NRG3: variants seen among roughly 807,000 people sequenced by gnomAD.
The protein encoded by NRG3 is neuregulin 3, also known as pro-neuregulin-3, membrane-bound isoform.
A neutral mutation model predicts 66.9 loss-of-function variants in NRG3; 31 were observed. The observed-to-expected ratio is 0.46, with a 90% confidence interval of 0.35 to 0.63. The LOEUF is 0.63. Ranked by LOEUF, NRG3 falls within the 20% of genes least tolerant of loss-of-function variation. The probability of loss-of-function intolerance (pLI) is 0.00; values close to 1 mark genes in which losing one functional copy is unlikely to be tolerated. For missense variants in NRG3, 910 were observed against 878.9 expected (o/e 1.04, Z -0.45); for synonymous variants, 393 against 359.4 (o/e 1.09, Z -1.06).
chr10:82,017,716 T>C (rs1589797473), intron 1 of NRG3, among the ~76,000 whole-genome samples: 1 of 152,248 alleles, frequency 6.6e-6, no homozygotes, highest in Non-Finnish European at 1.5e-5. Context: ...TTCATGTGTC[T>C]GTTGGCTGCA....
rs2085147039 is a variant in NRG3 at position 82,375,314 on chromosome 10, G to A, written c.953+16446G>A. Among the ~76,000 whole-genome samples, 3 of 152,238 alleles carry A rather than the reference G, an allele frequency of 2.0e-5. No individual in the cohort carries two copies. The South Asian group carries it at 6.2e-4, about 32-fold the overall frequency. ...GCACTTTGGGAGGCCGAGGCGGGCG[G>A]ATCACGAGGTCAGGAGATGGAGACC... On this transcript the variant is annotated intron_variant, in intron 2 of 8. Transcript: ENST00000372141.
intron 4 of NRG3, among the ~76,000 whole-genome samples, chr10:82,914,109 C>T (rs2131997718): frequency 6.6e-6 from 1 of 150,440 alleles, no homozygotes; most frequent in East Asian, 1.9e-4. Flanking sequence ...TTTTTTACTT[C>T]CATTTCAGTT....
chr10:82,062,769 A>G (rs1486211913), intron 1 of NRG3, among the ~76,000 whole-genome samples: 1 of 152,018 alleles, frequency 6.6e-6, no homozygotes. Context: ...TGGAAGGGAA[A>G]CCAAAAATGA....
chr10:81,937,566 T>A (rs1379658604), intron 1 of NRG3, among the ~76,000 whole-genome samples: 1 of 152,154 alleles, frequency 6.6e-6, no homozygotes, highest in Non-Finnish European at 1.5e-5. Flanking sequence ...TGGAAAGGTA[T>A]TTATTCAAGT....
At chr10:82,641,752 A>G (rs10749058) in intron 2 of NRG3, among the ~76,000 whole-genome samples, 95,507 of 151,988 alleles carry the variant, frequency 0.63, 30,085 homozygotes, top group Middle Eastern at 0.75. Context: ...CTGTTTACCA[A>G]TGCAGGATGC....
At chr10:82,865,871 C>A (rs1840674407) in intron 4 of NRG3, among the ~76,000 whole-genome samples, 3 of 152,244 alleles carry the variant, frequency 2.0e-5, no homozygotes, top group African/African-American at 7.2e-5. Context: ...AAGTCCCCTT[C>A]CTTTTGTGAG....
At chr10:82,408,032 G>C (rs1377199781) in intron 2 of NRG3, among the ~76,000 whole-genome samples, 1 of 141,576 alleles carries the variant, frequency 7.1e-6, no homozygotes, top group Non-Finnish European at 1.5e-5. Context: ...CTGTGTGACA[G>C]AGCAAGACTA....
At chr10:82,063,290 T>G (rs2064263878) in intron 1 of NRG3, among the ~76,000 whole-genome samples, 1 of 147,876 alleles carries the variant, frequency 6.8e-6, no homozygotes, top group Admixed American at 6.8e-5. Context: ...CTGTTTTTTT[T>G]TCTTTATTTT....
At chr10:82,003,988 AACACACACACACACACACACAC>A (rs746699197) in intron 1 of NRG3, among the ~76,000 whole-genome samples, 78 of 134,420 alleles carry the variant, frequency 5.8e-4, no homozygotes, top group Non-Finnish European at 1.2e-3. Context: ...CCTGACTGAA[AACACACACACACACACACACAC>A]ACACACACAC....
At chr10:82,234,329 T>C (rs2076648909) in intron 1 of NRG3, among the ~76,000 whole-genome samples, 1 of 152,246 alleles carries the variant, frequency 6.6e-6, no homozygotes, top group African/African-American at 2.4e-5. Flanking sequence ...TGTCTCTGTC[T>C]ACTCTGTCTA....
rs548400028 is a variant in NRG3 at position 82,293,780 on chromosome 10, A to G, written c.824-64959A>G. The stretch of plus-strand genomic sequence containing the variant: ...AAGGAATAAAGATAAATTTATCTTG[A>G]TGTACCTGCTTCAGCCTCTTAATAT... On this transcript the variant is annotated intron_variant, in intron 1 of 8. Transcript: ENST00000372141. 2.6e-5 allele frequency among the ~76,000 whole-genome samples: 4 copies of G among 152,292 alleles called. No homozygotes were observed. In the East Asian group the frequency reaches 5.8e-4, roughly 22 times the overall value.
intron 2 of NRG3, among the ~76,000 whole-genome samples, chr10:82,516,138 C>T (rs964868181): frequency 2.6e-5 from 4 of 151,244 alleles, no homozygotes; most frequent in Non-Finnish European, 5.9e-5. Context: ...ATGGTTGGAA[C>T]ATTGTGTGTG....
chr10:82,246,947 A>G (rs2077273226), intron 1 of NRG3, among the ~76,000 whole-genome samples: 2 of 152,258 alleles, frequency 1.3e-5, no homozygotes, highest in South Asian at 4.1e-4. Context: ...AAGGTATGCT[A>G]AAGTTGCAAC....
chr10:82,166,831 G>A lies in NRG3; in HGVS notation c.824-191908G>A, dbSNP rs1048331238. On this transcript the variant is annotated intron_variant, in intron 1 of 8. Transcript: ENST00000372141. ...TGACGAATTCATACAAATTTTGTAA[G>A]TCTGAAACAGTCTTTATTTATCTTC... 13 of 664,208 alleles carry A rather than the reference G, an allele frequency of 2.0e-5. No individual in the cohort carries two copies. The African/African-American group carries it at 2.1e-4, about 11-fold the overall frequency. The allele number at this position is 664,208 out of a possible 1,614,324, so 41.1% of individuals were successfully genotyped here.
chr10:81,879,588 G>C (rs1841996286), intron 1 of NRG3, among the ~76,000 whole-genome samples: 1 of 152,164 alleles, frequency 6.6e-6, no homozygotes, highest in African/African-American at 2.4e-5. Flanking sequence ...GTTAGATTTG[G>C]AAGGTATATG....
At chr10:82,658,650 T>C (rs1173935912) in intron 2 of NRG3, among the ~76,000 whole-genome samples, 3 of 152,138 alleles carry the variant, frequency 2.0e-5, no homozygotes, top group Non-Finnish European at 4.4e-5. Flanking sequence ...CGATTAGTGG[T>C]TGCCAGGGAA....
chr10:82,580,490 A>G (rs904968772), intron 2 of NRG3, among the ~76,000 whole-genome samples: 2 of 151,970 alleles, frequency 1.3e-5, no homozygotes, highest in Admixed American at 1.3e-4. Context: ...TGTATCCACC[A>G]TCAGAGTATA....
At chr10:82,483,475 T>C (rs536580817) in intron 2 of NRG3, among the ~76,000 whole-genome samples, 167 of 152,322 alleles carry the variant, frequency 1.1e-3, no homozygotes, top group African/African-American at 3.8e-3. Flanking sequence ...TATGTTTTCA[T>C]AAAGATGTTG....
chr10:81,980,097 C>T, intron 1 of NRG3, among the ~76,000 whole-genome samples: 1 of 152,194 alleles, frequency 6.6e-6, no homozygotes, highest in Admixed American at 6.5e-5. Context: ...ATCTCATTCA[C>T]TTATCTATTC....
Sources: allele counts gnomAD v4.1 joint callset (sites outside exome capture counted in the v4.1 genomes callset), GRCh38; gene constraint gnomAD v4.1.1; transcripts MANE v1.5; gene names NCBI Gene and HGNC (gene_info 2026-07-23, HGNC 2026-07-21).